Variants in BTD observed in about 807,000 individuals in gnomAD.
BTD encodes the protein biocytinase.
A neutral mutation model predicts 17.7 loss-of-function variants in BTD; 13 were observed. The ratio of observed to expected loss-of-function variants is 0.74; its 90% CI spans 0.48 to 1.17. The LOEUF (loss-of-function observed/expected upper bound fraction) is 1.17, where lower values mean the gene tolerates loss of function less well. Among genes scored for constraint, BTD ranks in the 50% most tolerant of loss-of-function variants. BTD has a pLI of 0.00. For missense variants in BTD, 674 were observed against 650.4 expected, an observed-to-expected ratio of 1.04 and a Z score of -0.39; for synonymous variants, 240 against 245.2, an observed-to-expected ratio of 0.98 and a Z score of 0.20.
chr3:15,607,499 G>A (rs1336277017), intron 1 of BTD, among the ~76,000 whole-genome samples: 2 of 152,206 alleles, frequency 1.3e-5, no homozygotes, highest in Non-Finnish European at 2.9e-5. Flanking sequence ...AAAGACTGCA[G>A]CTTCTACAGG....
intron 3 of BTD, among the ~76,000 whole-genome samples, chr3:15,707,249 G>A (rs112481901): frequency 0.012 from 1,367 of 115,586 alleles, 10 homozygotes; most frequent in Middle Eastern, 0.045. Context: ...GTTTATTTTC[G>A]TGCAAGAAGA....
At chr3:15,674,192 A>AG in intron 3 of BTD, among the ~76,000 whole-genome samples, 1 of 150,266 alleles carries the variant, frequency 6.7e-6, no homozygotes, top group South Asian at 2.1e-4. Context: ...AAAAAAAAAA[A>AG]AAAAAAGAAG....
At chr3:15,677,240 C>A (rs774497857) in intron 3 of BTD, among the ~76,000 whole-genome samples, 10 of 152,032 alleles carry the variant, frequency 6.6e-5, no homozygotes, top group African/African-American at 2.4e-4. Flanking sequence ...GAGAAGAGGA[C>A]AAAATTAAGA....
chr3:15,690,323 C>CT, intron 3 of BTD: 2 of 971,768 alleles, frequency 2.1e-6, no homozygotes, highest in Non-Finnish European at 3.0e-6. Flanking sequence ...ATATTATTAT[C>CT]CTACTTGAGA....
chr3:15,602,812 G>T (rs946552141), intron 1 of BTD, among the ~76,000 whole-genome samples: 1 of 151,978 alleles, frequency 6.6e-6, no homozygotes, highest in African/African-American at 2.4e-5. Flanking sequence ...AGAGTGAAGT[G>T]GTTGCCTCCC....
intron 3 of BTD, among the ~76,000 whole-genome samples, chr3:15,691,056 A>G (rs1029626810): frequency 2.5e-4 from 38 of 152,298 alleles, no homozygotes; most frequent in South Asian, 6.2e-4. Flanking sequence ...CTGCTTGAAT[A>G]TCACCACATA....
rs142037337 is a variant in BTD, at chr3:15,688,829, A to C, written c.400-21231A>C. Among the ~76,000 whole-genome samples the C allele has an allele frequency of 4.1e-3, 619 of 152,358 alleles. 1 individual carries two copies. The highest frequency in any genetic ancestry group is 0.023 in the East Asian group (118 of 5,190). On this transcript the variant is annotated intron_variant, in intron 3 of 3. Transcript: ENST00000672141. ...GTATCTGCTACATCATAATATCACA[A>C]TATGGAATAGTTCTTGCATAAAGTG...
downstream of BTD, chr3:15,713,408 G>T: frequency 1.4e-6 from 1 of 716,252 alleles, no homozygotes; most frequent in Non-Finnish European, 2.3e-6. Flanking sequence ...GAAAGTTCAA[G>T]CAATTAATAC....
rs118184134 is a variant in BTD, at chr3:15,648,684, G to A, written c.*3196G>A. ...ATTGCGTCTTCCCCAAAAAAGATAC[G>A]TTGTAGTCCTAACCCCCAATAGCTC... On this transcript the variant is annotated 3_prime_UTR_variant, in exon 4 of 4. Coordinates refer to ENST00000643237, the MANE Select transcript of BTD (RefSeq NM_001370658.1). 1.4e-4 allele frequency among the ~76,000 whole-genome samples: 21 copies of A among 152,298 alleles called. No individual in the cohort carries two copies. The highest frequency in any genetic ancestry group is 1.9e-4 in the East Asian group (1 of 5,184).
chr3:15,602,069 G>C, intron 1 of BTD, 175 bp downstream of exon 1: 3 of 1,444,840 alleles, frequency 2.1e-6, no homozygotes, highest in South Asian at 1.5e-5. Context: ...GTGCTACCGC[G>C]TTGCGTTTTC....
In BTD at chr3:15,623,881, T is replaced by C. The variant is rs954022563; in HGVS notation, c.-16-11543T>C. Among the ~76,000 whole-genome samples, 7 of 152,380 alleles carry C rather than the reference T, an allele frequency of 4.6e-5. No homozygotes were observed. The South Asian group carries it at 1.4e-3, about 32-fold the overall frequency. ...CCTGAGGCTTCCCAGCCATGCTTCT[T>C]GTACAGCCTGTGGAACTGTGAGTCA... On this transcript the variant is annotated intron_variant, in intron 1 of 3. Coordinates refer to ENST00000643237, the MANE Select transcript of BTD (RefSeq NM_001370658.1).
chr3:15,685,026 TGAC>T, intron 3 of BTD: 1 of 589,902 alleles, frequency 1.7e-6, no homozygotes, highest in Non-Finnish European at 3.0e-6. Flanking sequence ...AGAACACCTT[TGAC>T]AACTAGTGTC....
At chr3:15,719,161 T>G (rs541259453) in intron 4 of BTD, among the ~76,000 whole-genome samples, 1 of 152,232 alleles carries the variant, frequency 6.6e-6, no homozygotes, top group Non-Finnish European at 1.5e-5. Context: ...GGGTGTAGTA[T>G]GTATACATTT....
intron 3 of BTD, among the ~76,000 whole-genome samples, chr3:15,704,944 GCA>G (rs1366809192): frequency 6.6e-6 from 1 of 152,112 alleles, no homozygotes; most frequent in East Asian, 1.9e-4. Context: ...GCTAGATTAT[GCA>G]CAGTCTCATT....
chr3:15,620,235 T>C (rs562870750), intron 1 of BTD, among the ~76,000 whole-genome samples: 159 of 152,316 alleles, frequency 1.0e-3, no homozygotes, highest in Middle Eastern at 3.4e-3. Context: ...CTAGCAAGCC[T>C]GAGGGTTCTG....
In BTD at chr3:15,653,049, T is replaced by C. The variant is rs1224220795; in HGVS notation, c.*7561T>C. ...CTCCTGCCCGCAGAATTTTGTCTAA[T>C]CCACCCCAGACAGAGTTATCCAACA... is the stretch of plus-strand genomic sequence containing the variant. On this transcript the variant is annotated 3_prime_UTR_variant, in exon 4 of 4. Transcript: ENST00000643237. 6.6e-6 allele frequency among the ~76,000 whole-genome samples: 1 copy of C among 152,206 alleles called. No individual in the cohort carries two copies. Among genetic ancestry groups the C allele is most frequent in the Non-Finnish European group, 1.5e-5 (1 of 68,032 alleles).
intron 4 of BTD, among the ~76,000 whole-genome samples, chr3:15,718,159 A>G (rs1478027541): frequency 6.6e-6 from 1 of 152,212 alleles, no homozygotes; most frequent in East Asian, 1.9e-4. Flanking sequence ...AGCTATCAAC[A>G]TATTGTGTGT....
chr3:15,692,082 G>T (rs1267438443), intron 3 of BTD, among the ~76,000 whole-genome samples: 1 of 150,382 alleles, frequency 6.6e-6, no homozygotes, highest in Non-Finnish European at 1.5e-5. Context: ...ACAGGCTGCA[G>T]TGAGCTGGGA....
chr3:15,696,390 A>T (rs2069561340), intron 3 of BTD: 1 of 548,294 alleles, frequency 1.8e-6, no homozygotes, highest in Non-Finnish European at 3.2e-6. Flanking sequence ...TAAAAATGTC[A>T]TTTAAATGAC....
Sources: allele counts gnomAD v4.1 joint callset (sites outside exome capture counted in the v4.1 genomes callset), GRCh38; gene constraint gnomAD v4.1.1; transcripts MANE v1.5; gene names NCBI Gene and HGNC (gene_info 2026-07-23, HGNC 2026-07-21).